The following NRG3 variants were observed in gnomAD, a reference collection of about 807,000 sequenced individuals.
NRG3 encodes pro-neuregulin-3, membrane-bound isoform.
NRG3 carries 31 observed loss-of-function variants against 66.9 expected under a neutral mutation model. The observed-to-expected ratio is 0.46, with a 90% CI of 0.35 to 0.63. The LOEUF (loss-of-function observed/expected upper bound fraction) is 0.63. Among genes scored for constraint, NRG3 ranks in the 20% least tolerant of loss-of-function variants. The pLI is 0.00. For synonymous variants in NRG3, 393 were observed against 359.4 expected, an observed-to-expected ratio of 1.09 and a Z score of -1.06; for missense variants, 910 against 878.9, an observed-to-expected ratio of 1.04 and a Z score of -0.45.
intron 2 of NRG3, among the ~76,000 whole-genome samples, chr10:82,669,222 C>A (rs1213336370): frequency 6.7e-6 from 1 of 149,150 alleles, no homozygotes; most frequent in Non-Finnish European, 1.5e-5. Context: ...AGGTAAGTAA[C>A]TTGGACTAGT....
intron 1 of NRG3, among the ~76,000 whole-genome samples, chr10:82,090,560 C>T (rs1249269026): frequency 2.0e-5 from 3 of 152,098 alleles, no homozygotes; most frequent in Non-Finnish European, 2.9e-5. Context: ...CAGTCATTTC[C>T]GTTGGGATTA....
intron 1 of NRG3, among the ~76,000 whole-genome samples, chr10:81,930,098 G>T (rs192019679): frequency 6.6e-6 from 1 of 152,284 alleles, no homozygotes; most frequent in Non-Finnish European, 1.5e-5. Flanking sequence ...GATCTGTGGA[G>T]TTTTATCTGC....
intron 1 of NRG3, among the ~76,000 whole-genome samples, chr10:82,210,115 AT>A (rs2075324616): frequency 6.6e-6 from 1 of 152,196 alleles, no homozygotes; most frequent in Admixed American, 6.6e-5. Flanking sequence ...AAACATTGCT[AT>A]AACATATCAA....
At chr10:82,273,150 AT>A (rs1199676977) in intron 1 of NRG3, among the ~76,000 whole-genome samples, 3 of 151,714 alleles carry the variant, frequency 2.0e-5, no homozygotes, top group African/African-American at 7.3e-5. Context: ...GTATCTACAT[AT>A]TTTTTCAAGA....
intron 2 of NRG3, among the ~76,000 whole-genome samples, chr10:82,360,896 T>A (rs2084093363): frequency 6.6e-6 from 1 of 152,146 alleles, no homozygotes; most frequent in Non-Finnish European, 1.5e-5. Context: ...AGATGTATCT[T>A]CTCATCATGT....
chr10:82,261,988 T>C (rs11591542), intron 1 of NRG3, among the ~76,000 whole-genome samples: 65,917 of 151,988 alleles, frequency 0.43, 16,405 homozygotes, highest in African/African-American at 0.69. Flanking sequence ...CTCTTACTCC[T>C]GCTCTCACCA....
chr10:82,305,226 AC>A (rs1173668700), intron 1 of NRG3, among the ~76,000 whole-genome samples: 2 of 151,762 alleles, frequency 1.3e-5, no homozygotes, highest in African/African-American at 4.8e-5. Context: ...CAATCTCCTG[AC>A]CTTGTGATCC....
chr10:82,068,117 A>T (rs1261272504), intron 1 of NRG3, among the ~76,000 whole-genome samples: 1 of 152,210 alleles, frequency 6.6e-6, no homozygotes. Flanking sequence ...TAGTTTATAA[A>T]TACTGGGATT....
intron 1 of NRG3, among the ~76,000 whole-genome samples, chr10:82,035,463 A>G (rs559395349): frequency 1.3e-3 from 191 of 152,230 alleles, no homozygotes; most frequent in African/African-American, 4.4e-3. Context: ...TTGTATCCTC[A>G]TTGCTTATTT....
chr10:82,078,748 G>A (rs1045602939), intron 1 of NRG3, among the ~76,000 whole-genome samples: 4 of 152,178 alleles, frequency 2.6e-5, no homozygotes, highest in Non-Finnish European at 4.4e-5. Flanking sequence ...TTTTTAAACT[G>A]CGATAGAAGT....
At chr10:82,964,130 G>A (rs1850955246) in intron 6 of NRG3, among the ~76,000 whole-genome samples, 1 of 152,070 alleles carries the variant, frequency 6.6e-6, no homozygotes, top group Non-Finnish European at 1.5e-5. Context: ...AGACTAAAGA[G>A]CCTACTAAGT....
intron 1 of NRG3, among the ~76,000 whole-genome samples, chr10:82,107,111 A>C (rs896435335): frequency 6.6e-6 from 1 of 152,218 alleles, no homozygotes; most frequent in African/African-American, 2.4e-5. Flanking sequence ...GAAGTGTTTC[A>C]GATTTTGGAT....
chr10:81,965,148 A>G (rs2059684494), intron 1 of NRG3, among the ~76,000 whole-genome samples: 2 of 152,230 alleles, frequency 1.3e-5, no homozygotes, highest in African/African-American at 4.8e-5. Flanking sequence ...TTAAAGGTCC[A>G]TCCTAGGCCA....
At chr10:82,155,194 A>G (rs2071096260) in intron 1 of NRG3, among the ~76,000 whole-genome samples, 1 of 151,716 alleles carries the variant, frequency 6.6e-6, no homozygotes, top group Non-Finnish European at 1.5e-5. Context: ...CTAGTTTCCC[A>G]ATCAGAGCAC....
At chr10:82,422,914 A>T (rs770685823) in intron 2 of NRG3, among the ~76,000 whole-genome samples, 7 of 152,000 alleles carry the variant, frequency 4.6e-5, no homozygotes, top group Non-Finnish European at 1.0e-4. Context: ...TATATAAATG[A>T]TATATGAGTT....
chr10:81,998,711 C>T (rs149558886), intron 1 of NRG3, among the ~76,000 whole-genome samples: 30 of 152,340 alleles, frequency 2.0e-4, no homozygotes, highest in Non-Finnish European at 4.0e-4. Context: ...TATGCTTTCT[C>T]TCCTTTTCTC....
At chr10:82,250,431 A>G (rs902243312) in intron 1 of NRG3, among the ~76,000 whole-genome samples, 1 of 152,050 alleles carries the variant, frequency 6.6e-6, no homozygotes, top group Middle Eastern at 3.4e-3. Context: ...CTAAAAATAC[A>G]AAAAATTATC....
intron 2 of NRG3, among the ~76,000 whole-genome samples, chr10:82,418,773 C>T (rs1263169252): frequency 6.7e-6 from 1 of 148,772 alleles, no homozygotes; most frequent in African/African-American, 2.5e-5. Context: ...ATATTTTTTT[C>T]TTTTTTTTTT....
At chr10:82,600,327 G>GA (rs1034752917) in intron 2 of NRG3, among the ~76,000 whole-genome samples, 13 of 151,396 alleles carry the variant, frequency 8.6e-5, no homozygotes, top group Non-Finnish European at 1.0e-4. Flanking sequence ...TATAAATTCT[G>GA]AAAAAAAATG....
Sources: allele counts gnomAD v4.1 joint callset (sites outside exome capture counted in the v4.1 genomes callset), GRCh38; gene constraint gnomAD v4.1.1; transcripts MANE v1.5; gene names NCBI Gene and HGNC (gene_info 2026-07-23, HGNC 2026-07-21).